Variants in FMN2 observed in about 807,000 individuals in gnomAD.
FMN2 encodes formin 2, also known as formin-2.
FMN2 carries 51 observed loss-of-function variants against 142.3 expected under a neutral mutation model. The observed-to-expected ratio is 0.36, with a 90% CI of 0.29 to 0.45. The LOEUF (loss-of-function observed/expected upper bound fraction) is 0.45. Among genes scored for constraint, FMN2 ranks in the 20% least tolerant of loss-of-function variants. The probability of loss-of-function intolerance (pLI) is 1.00; values close to 1 mark genes in which losing one functional copy is unlikely to be tolerated. For synonymous variants in FMN2, 882 were observed against 869.8 expected, an observed-to-expected ratio of 1.01 and a Z score of -0.25; for missense variants, 1,936 against 2,122.8, an observed-to-expected ratio of 0.91 and a Z score of 1.73.
chr1:240,430,548 G>A (rs1179078740), intron 15 of FMN2, among the ~76,000 whole-genome samples: 2 of 151,486 alleles, frequency 1.3e-5, no homozygotes, highest in African/African-American at 4.9e-5. Context: ...TCCTTTTTGT[G>A]TCTTATGTAA....
chr1:240,426,575 T>C (rs2103152616), intron 15 of FMN2, among the ~76,000 whole-genome samples: 1 of 152,274 alleles, frequency 6.6e-6, no homozygotes, highest in East Asian at 1.9e-4. Context: ...CTCCATTTTA[T>C]CCATCACTCA....
At chr1:240,300,942 G>A (rs1393856358) in intron 8 of FMN2, among the ~76,000 whole-genome samples, 2 of 147,210 alleles carry the variant, frequency 1.4e-5, no homozygotes, top group African/African-American at 2.5e-5. Flanking sequence ...CAACTTCCCT[G>A]TGTCTCTGTG....
At chr1:240,223,723 G>A (rs571238270) in intron 6 of FMN2, among the ~76,000 whole-genome samples, 9 of 152,292 alleles carry the variant, frequency 5.9e-5, no homozygotes, top group African/African-American at 1.9e-4. Context: ...GAGGGTGTAT[G>A]TGTCCAAGAA....
chr1:240,412,166 G>A (rs1301055992), intron 15 of FMN2, among the ~76,000 whole-genome samples: 1 of 152,302 alleles, frequency 6.6e-6, no homozygotes, highest in East Asian at 1.9e-4. Context: ...TTACATTACA[G>A]AGGTCTAGGT....
At chr1:240,464,716 G>A (rs1414030396) in intron 16 of FMN2, among the ~76,000 whole-genome samples, 1 of 152,056 alleles carries the variant, frequency 6.6e-6, no homozygotes, top group East Asian at 1.9e-4. Flanking sequence ...CAGGGAGCTG[G>A]GGGCAGACCC....
chr1:240,145,305 T>C, intron 2 of FMN2: 3 of 1,330,582 alleles, frequency 2.3e-6, no homozygotes. Flanking sequence ...TTCTCATCCA[T>C]GCCGCTGAGG....
At chr1:240,247,416 C>T (rs767695616) in intron 6 of FMN2, among the ~76,000 whole-genome samples, 24 of 151,634 alleles carry the variant, frequency 1.6e-4, no homozygotes, top group Admixed American at 3.3e-4. Context: ...GCAGGAGAAT[C>T]GCTTGAACCT....
At chr1:240,464,372 T>TA (rs2103234581) in intron 16 of FMN2, among the ~76,000 whole-genome samples, 1 of 152,182 alleles carries the variant, frequency 6.6e-6, no homozygotes, top group Non-Finnish European at 1.5e-5. Flanking sequence ...CACCAGGGAA[T>TA]TAATTTGATT....
chr1:240,106,593 C>T (rs993380881), intron 1 of FMN2, among the ~76,000 whole-genome samples: 11 of 152,260 alleles, frequency 7.2e-5, no homozygotes, highest in Middle Eastern at 6.8e-3. Flanking sequence ...CACTCTTCCT[C>T]CTCCTTATAT....
At chr1:240,144,066 C>A (rs1368802653) in intron 2 of FMN2, 8 of 1,097,734 alleles carry the variant, frequency 7.3e-6, no homozygotes, top group Non-Finnish European at 1.1e-5. Flanking sequence ...TTAATGTAGT[C>A]CTCAAAGGAG....
chr1:240,445,996 A>C (rs1423555016), intron 16 of FMN2, among the ~76,000 whole-genome samples: 1 of 152,212 alleles, frequency 6.6e-6, no homozygotes, highest in Non-Finnish European at 1.5e-5. Context: ...TGTAAATGTC[A>C]GCTCAGATAC....
At chr1:240,135,538 A>G (rs750496988) in intron 2 of FMN2, among the ~76,000 whole-genome samples, 1 of 152,156 alleles carries the variant, frequency 6.6e-6, no homozygotes, top group Non-Finnish European at 1.5e-5. Flanking sequence ...TCTTTACCAC[A>G]ATATTGATTG....
chr1:240,216,344 A>T (rs556492541), intron 6 of FMN2, among the ~76,000 whole-genome samples: 1 of 152,262 alleles, frequency 6.6e-6, no homozygotes, highest in Admixed American at 6.5e-5. Flanking sequence ...AAATTTGCAC[A>T]TAGAAGTCAG....
At chr1:240,402,569 G>A (rs974758100) in intron 15 of FMN2, among the ~76,000 whole-genome samples, 10 of 152,182 alleles carry the variant, frequency 6.6e-5, no homozygotes, top group African/African-American at 1.9e-4. Context: ...ATTACAAGAT[G>A]GATTTCGGCA....
Position 240,355,811 on chromosome 1 carries a change from T to C in FMN2, c.4766-5T>C. On this transcript the variant is annotated splice_region_variant and splice_polypyrimidine_tract_variant and intron_variant, in intron 13 of 17. Transcript: ENST00000319653. ...CACTCTAAATAATGTTCTGTCTAAT[T>C]TCAGCCTGTGAAGTTGAAGCAGGGA... 1 of 1,605,782 alleles carries C rather than the reference T, an allele frequency of 6.2e-7. No individual in the cohort carries two copies. The highest frequency in any genetic ancestry group is 8.5e-7 in the Non-Finnish European group (1 of 1,173,430).
chr1:240,096,993 G>A (rs563891549), intron 1 of FMN2, among the ~76,000 whole-genome samples: 6 of 152,220 alleles, frequency 3.9e-5, no homozygotes, highest in African/African-American at 7.2e-5. Flanking sequence ...TCTGAAATTC[G>A]GGAGGTTCCT....
At chr1:240,154,517 G>A (rs544125535) in intron 2 of FMN2, 1 of 152,198 alleles carries the variant, frequency 6.6e-6, no homozygotes, top group Non-Finnish European at 1.5e-5. Context: ...CAGAAACCAA[G>A]GTGGGCTGTG....
At chr1:240,101,919 A>G (rs16839419) in intron 1 of FMN2, among the ~76,000 whole-genome samples, 10,876 of 152,176 alleles carry the variant, frequency 0.071, 1,315 homozygotes, top group African/African-American at 0.25. Context: ...GGCACAAAAT[A>G]TACTGAGTCA....
Position 240,355,827 on chromosome 1 carries a change from G to C in FMN2, c.4777G>C (p.Glu1593Gln), listed in dbSNP as rs1483790759. The part of the protein sequence containing the change: ...LKKDLKACEV[E>Q]AGKVYQVSSK... ...CTGTCTAATTTCAGCCTGTGAAGTT[G>C]AAGCAGGGAAAGTATACCAGGTCTC... Residue 1593 changes from glutamate to glutamine, a missense_variant, in exon 14 of 18, where the codon GAA (glutamate) becomes CAA (glutamine). Coordinates refer to ENST00000319653, the MANE Select transcript of FMN2 (RefSeq NM_020066.5). 1 of 1,611,136 alleles carries C rather than the reference G, an allele frequency of 6.2e-7. No homozygotes were observed. The highest frequency in any genetic ancestry group is 1.3e-5 in the African/African-American group (1 of 74,720).
Sources: allele counts gnomAD v4.1 joint callset (sites outside exome capture counted in the v4.1 genomes callset), GRCh38; gene constraint gnomAD v4.1.1; transcripts MANE v1.5; gene names NCBI Gene and HGNC (gene_info 2026-07-23, HGNC 2026-07-21).